Variants in TAF3 observed in about 807,000 individuals in gnomAD.
The protein encoded by TAF3 is TATA-box binding protein associated factor 3.
Under a neutral mutation model 80.6 loss-of-function variants are expected in TAF3, and 7 were observed. The ratio of observed to expected loss-of-function variants is 0.09; its 90% CI spans 0.05 to 0.16. TAF3 has a LOEUF of 0.16. Ranked by LOEUF, TAF3 falls within the 10% of genes least tolerant of loss-of-function variation. The probability of loss-of-function intolerance (pLI) is 1.00; values close to 1 mark genes in which losing one functional copy is unlikely to be tolerated. For missense variants in TAF3, 921 were observed against 1,140.2 expected (o/e 0.81, Z 2.77); for synonymous variants, 444 against 446.1 (o/e 1.00, Z 0.06).
chr10:7,995,642 T>C (rs1281520875), intron 4 of TAF3, among the ~76,000 whole-genome samples: 1 of 152,222 alleles, frequency 6.6e-6, no homozygotes, highest in Non-Finnish European at 1.5e-5. Flanking sequence ...CCCTAATTAC[T>C]TCATGCAATT....
At chr10:7,926,272 T>C (rs1403391290) in intron 2 of TAF3, among the ~76,000 whole-genome samples, 17 of 152,222 alleles carry the variant, frequency 1.1e-4, no homozygotes, top group Admixed American at 1.1e-3. Flanking sequence ...AAACTTTTTT[T>C]TTATTACGCC....
intron 3 of TAF3, among the ~76,000 whole-genome samples, chr10:7,974,083 G>A (rs1440173611): frequency 1.6e-4 from 24 of 151,836 alleles, no homozygotes; most frequent in Non-Finnish European, 2.8e-4. Context: ...AGCCAAGAAC[G>A]TGCCACTGAT....
intron 2 of TAF3, among the ~76,000 whole-genome samples, chr10:7,913,831 A>G (rs1047971685): frequency 5.3e-5 from 8 of 152,264 alleles, no homozygotes; most frequent in Admixed American, 6.5e-5. Context: ...AGTGCAGTCA[A>G]GACTTCAGAT....
Position 7,964,922 on chromosome 10 carries a change from A to G in TAF3, c.1412A>G (p.Asp471Gly). 1.2e-6 allele frequency: 2 copies of G among 1,614,124 alleles called. No homozygotes were observed. Among genetic ancestry groups the G allele is most frequent in the African/African-American group, 2.7e-5 (2 of 75,002 alleles). The change falls in exon 3 of 7, where the codon GAT becomes GGT. Residue 471 changes from aspartate (D) to glycine (G), a missense_variant. By Grantham distance (94) the Asp-to-Gly change is moderately conservative. Transcript: ENST00000344293. This position sits in a 1 kb window ranked among gnomAD's most constrained non-coding sequence, Gnocchi z 4.1. ...DNSWTMDASI[D>G]EVVRKAKLGT... ...TCATGGACAATGGATGCCTCCATTG[A>G]TGAGGTTGTACGTAAAGCAAAACTG...
chr10:7,894,149 A>C (rs1275566881), intron 2 of TAF3, among the ~76,000 whole-genome samples: 2 of 152,194 alleles, frequency 1.3e-5, no homozygotes, highest in African/African-American at 4.8e-5. Flanking sequence ...TAATGGAAGC[A>C]GGGGTTTGTA....
intron 2 of TAF3, among the ~76,000 whole-genome samples, chr10:7,851,084 T>G (rs979493658): frequency 2.6e-5 from 4 of 152,254 alleles, no homozygotes; most frequent in African/African-American, 9.6e-5. Flanking sequence ...AAGTAAATTC[T>G]ATAGTATGTT....
At chr10:7,951,603 G>C (rs1037865446) in intron 2 of TAF3, among the ~76,000 whole-genome samples, 2 of 152,208 alleles carry the variant, frequency 1.3e-5, no homozygotes, top group African/African-American at 2.4e-5. Context: ...CCAAAATCAT[G>C]TCCACCTCTT....
chr10:7,981,701 A>G (rs976698706), intron 4 of TAF3, among the ~76,000 whole-genome samples: 3 of 152,188 alleles, frequency 2.0e-5, no homozygotes, highest in African/African-American at 7.2e-5. Flanking sequence ...ATTTCTTACA[A>G]TTCAGTAACT....
intron 2 of TAF3, among the ~76,000 whole-genome samples, chr10:7,874,017 C>G (rs867966018): frequency 6.6e-6 from 1 of 152,086 alleles, no homozygotes; most frequent in African/African-American, 2.4e-5. Context: ...TAAGTTTTAT[C>G]GTTACAGATA....
chr10:7,898,402 TG>T, intron 2 of TAF3, among the ~76,000 whole-genome samples: 1 of 152,088 alleles, frequency 6.6e-6, no homozygotes, highest in East Asian at 1.9e-4. Context: ...AAAAATTAGC[TG>T]GGCATGATGG....
chr10:7,945,509 T>G (rs1233723628), intron 2 of TAF3, among the ~76,000 whole-genome samples: 1 of 152,150 alleles, frequency 6.6e-6, no homozygotes, highest in Non-Finnish European at 1.5e-5. Context: ...CTTCCCTTCT[T>G]CTAGTTAAGT....
At chr10:7,986,682 C>G (rs1176662419) in intron 4 of TAF3, among the ~76,000 whole-genome samples, 2 of 152,174 alleles carry the variant, frequency 1.3e-5, no homozygotes, top group African/African-American at 4.8e-5. Context: ...TTGGCTGTCT[C>G]CTCCTTGTCT....
intron 2 of TAF3, among the ~76,000 whole-genome samples, chr10:7,901,188 A>G (rs1432610133): frequency 6.6e-6 from 1 of 152,252 alleles, no homozygotes; most frequent in East Asian, 1.9e-4. Flanking sequence ...AAGTTTAACT[A>G]ACATAAAACT....
At chr10:7,848,048 G>T (rs1002707034) in intron 2 of TAF3, among the ~76,000 whole-genome samples, 3 of 152,204 alleles carry the variant, frequency 2.0e-5, no homozygotes, top group Non-Finnish European at 4.4e-5. Context: ...GGGATTACAG[G>T]CATGAGCCAC....
intron 2 of TAF3, among the ~76,000 whole-genome samples, 166 bp from the exon 3 acceptor site, chr10:7,963,754 C>T (rs532850730): frequency 2.0e-5 from 3 of 151,952 alleles, no homozygotes; most frequent in Non-Finnish European, 4.4e-5. Context: ...CACATGTATA[C>T]CTGTGTAACA....
chr10:7,954,767 C>G (rs1396119925), intron 2 of TAF3, among the ~76,000 whole-genome samples: 1 of 139,234 alleles, frequency 7.2e-6, no homozygotes. Flanking sequence ...ACAGAGCTCT[C>G]CCTAGTGAGA....
intron 6 of TAF3, 110 bp from the exon 7 acceptor site, chr10:8,014,527 G>C: frequency 1.1e-6 from 1 of 913,914 alleles, no homozygotes; most frequent in South Asian, 1.7e-5. Flanking sequence ...GCTTGACTTT[G>C]ATTTCGGGTA....
At position 7,849,672 on chromosome 10, in the gene TAF3, G is replaced by A. The variant is rs143275629; in HGVS notation, c.409+25112G>A. On this transcript the variant is annotated intron_variant, in intron 2 of 6. Transcript: ENST00000344293. ...TAACAACTATTGGGGGGGTTCATGCGAACTTTTTTTTTTTTTCTTTTTTGA... is the reference window on the plus strand; with the variant it reads ...TAACAACTATTGGGGGGGTTCATGCAAACTTTTTTTTTTTTTCTTTTTTGA... Among the ~76,000 whole-genome samples, 16 of 150,662 alleles carry A rather than the reference G, an allele frequency of 1.1e-4. No individual in the cohort carries two copies. In the East Asian group the frequency reaches 2.5e-3, roughly 24 times the overall value.
intron 2 of TAF3, among the ~76,000 whole-genome samples, chr10:7,925,852 G>T (rs1274447427): frequency 6.7e-6 from 1 of 149,306 alleles, no homozygotes; most frequent in Non-Finnish European, 1.5e-5. Context: ...GGAAAAGTAA[G>T]ATTTTTTTAC....
Sources: allele counts gnomAD v4.1 joint callset (sites outside exome capture counted in the v4.1 genomes callset), GRCh38; gene constraint gnomAD v4.1.1; non-coding constraint Gnocchi (gnomAD v3.1); transcripts MANE v1.5; gene names NCBI Gene and HGNC (gene_info 2026-07-23, HGNC 2026-07-21).